Variants in CACNA2D3 observed in about 807,000 individuals in gnomAD.
CACNA2D3 encodes the protein voltage-dependent calcium channel subunit alpha-2/delta-3.
Under a neutral mutation model 160.6 loss-of-function variants are expected in CACNA2D3, and 60 were observed. That is an observed-to-expected ratio of 0.37 (90% confidence interval 0.30 to 0.46). CACNA2D3 has a LOEUF of 0.46. CACNA2D3 is among the 20% of genes least tolerant of loss of function. CACNA2D3 has a pLI of 1.00. For synonymous variants in CACNA2D3, 558 were observed against 492.9 expected (o/e 1.13, Z -1.75); for missense variants, 1,205 against 1,365.0 (o/e 0.88, Z 1.85).
At chr3:54,829,216 T>C (rs1015927003) in intron 14 of CACNA2D3, among the ~76,000 whole-genome samples, 6 of 152,204 alleles carry the variant, frequency 3.9e-5, no homozygotes, top group African/African-American at 1.4e-4. Context: ...GATTTTCACC[T>C]GTGTTCTTCC....
chr3:54,136,279 G>A (rs879545423), intron 2 of CACNA2D3, among the ~76,000 whole-genome samples: 1 of 152,136 alleles, frequency 6.6e-6, no homozygotes. Flanking sequence ...TTAGTCAATC[G>A]TTTATTCAAC....
rs1347919259 is a variant in CACNA2D3 at position 54,993,924 on chromosome 3, TG to T, written c.2690+6172del. Among the ~76,000 whole-genome samples the T allele has an allele frequency of 2.1e-5, 3 of 141,676 alleles. No individual in the cohort carries two copies. The East Asian group carries it at 6.2e-4, about 29-fold the overall frequency. The allele number at this position is 141,676 out of a possible 152,430, so 92.9% of individuals were successfully genotyped here. On this transcript the variant is annotated intron_variant, in intron 31 of 37. Transcript: ENST00000474759. ...TGTGTGTGTGTGTGTGTGTGTGTTT[TG>T]TGTGTGTGTGTGGTTTTGCGTGGTT...
At chr3:54,548,860 C>T (rs1382103972) in intron 5 of CACNA2D3, among the ~76,000 whole-genome samples, 1 of 152,226 alleles carries the variant, frequency 6.6e-6, no homozygotes, top group African/African-American at 2.4e-5. Context: ...GGTCCATCTT[C>T]TCTTCTTCCT....
chr3:55,000,808 A>G (rs1575429627), intron 31 of CACNA2D3, among the ~76,000 whole-genome samples: 1 of 152,072 alleles, frequency 6.6e-6, no homozygotes, highest in East Asian at 1.9e-4. Context: ...GATTCTGGAC[A>G]TTGGTTATCT....
At chr3:54,570,751 CA>C (rs1294901247) in intron 8 of CACNA2D3, among the ~76,000 whole-genome samples, 1 of 152,030 alleles carries the variant, frequency 6.6e-6, no homozygotes, top group Non-Finnish European at 1.5e-5. Context: ...GTAACTTGTC[CA>C]GGTCACAAGG....
chr3:54,407,721 G>T (rs1006037165), intron 4 of CACNA2D3, among the ~76,000 whole-genome samples: 3 of 152,166 alleles, frequency 2.0e-5, no homozygotes, highest in Non-Finnish European at 4.4e-5. Context: ...TTATGCTCAT[G>T]ACCTTGACTA....
chr3:54,809,020 A>G (rs1703210930), intron 13 of CACNA2D3, among the ~76,000 whole-genome samples: 1 of 152,156 alleles, frequency 6.6e-6, no homozygotes, highest in South Asian at 2.1e-4. Context: ...TCCTCACATT[A>G]ATCTCATGAA....
intron 11 of CACNA2D3, among the ~76,000 whole-genome samples, chr3:54,661,396 C>G (rs1302084700): frequency 6.6e-6 from 1 of 152,148 alleles, no homozygotes; most frequent in Non-Finnish European, 1.5e-5. Context: ...TTTAGAATTT[C>G]AAAGAAGACT....
intron 13 of CACNA2D3, among the ~76,000 whole-genome samples, chr3:54,795,937 G>C (rs532523478): frequency 5.3e-5 from 8 of 152,320 alleles, no homozygotes; most frequent in African/African-American, 1.9e-4. Flanking sequence ...GTTTGGCAAA[G>C]TGTGCTTGAA....
chr3:54,513,044 G>C (rs905972296), intron 5 of CACNA2D3, among the ~76,000 whole-genome samples: 4 of 152,046 alleles, frequency 2.6e-5, no homozygotes, highest in Admixed American at 2.6e-4. Flanking sequence ...GGAAAAACCT[G>C]CCCCATGATT....
At chr3:54,514,104 A>G (rs536028121) in intron 5 of CACNA2D3, among the ~76,000 whole-genome samples, 8 of 152,250 alleles carry the variant, frequency 5.3e-5, no homozygotes, top group Non-Finnish European at 1.2e-4. Context: ...TTACATAAAC[A>G]CTTCCAATTT....
intron 2 of CACNA2D3, among the ~76,000 whole-genome samples, chr3:54,167,404 A>T (rs1576973657): frequency 6.6e-6 from 1 of 152,210 alleles, no homozygotes; most frequent in Non-Finnish European, 1.5e-5. Context: ...AAGACATAGC[A>T]TCTTCCAGCG....
chr3:54,858,422 A>G (rs34173987), intron 17 of CACNA2D3, among the ~76,000 whole-genome samples: 1,621 of 152,338 alleles, frequency 0.011, 11 homozygotes, highest in Middle Eastern at 0.027. Flanking sequence ...TAGGAGCTCA[A>G]GGCAGAATGA....
rs562409074 is a variant in CACNA2D3, at chr3:54,454,054, T to G, written c.382-49438T>G. On this transcript the variant is annotated intron_variant, in intron 4 of 37. Coordinates refer to ENST00000474759, the MANE Select transcript of CACNA2D3 (RefSeq NM_018398.3). ...CCTTCTAATTTGTTAGGTGGAAAGG[T>G]TGAACTAGCATGTCTCTAATATCAG... 9.2e-5 allele frequency among the ~76,000 whole-genome samples: 14 copies of G among 152,286 alleles called. No homozygotes were observed. The South Asian group carries it at 2.7e-3, about 29-fold the overall frequency.
intron 11 of CACNA2D3, among the ~76,000 whole-genome samples, chr3:54,651,023 G>A (rs1003893329): frequency 6.6e-6 from 1 of 152,158 alleles, no homozygotes; most frequent in Non-Finnish European, 1.5e-5. Flanking sequence ...TCCCTGACTA[G>A]CATTTGGTGG....
chr3:54,318,386 G>T (rs371370875), intron 2 of CACNA2D3, among the ~76,000 whole-genome samples: 2 of 152,096 alleles, frequency 1.3e-5, no homozygotes, highest in Admixed American at 1.3e-4. Flanking sequence ...TTCAGGGAGC[G>T]GGGGGAAACA....
chr3:54,734,950 A>T (rs1039057959), intron 11 of CACNA2D3, among the ~76,000 whole-genome samples: 1 of 152,208 alleles, frequency 6.6e-6, no homozygotes, highest in Non-Finnish European at 1.5e-5. Flanking sequence ...GAAGCAGGAG[A>T]CTGGCCTCAG....
intron 20 of CACNA2D3, among the ~76,000 whole-genome samples, chr3:54,879,906 A>C (rs1292368222): frequency 1.3e-5 from 2 of 152,178 alleles, no homozygotes; most frequent in Non-Finnish European, 2.9e-5. Context: ...GTCCTGAAAA[A>C]TGGCTTTGCC....
At chr3:54,736,096 TA>T (rs1701515435) in intron 11 of CACNA2D3, among the ~76,000 whole-genome samples, 1 of 19,650 alleles carries the variant, frequency 5.1e-5, no homozygotes, top group Admixed American at 5.4e-4. Context: ...TGTGTATATA[TA>T]TACATATATA....
Sources: gnomAD v4.1 joint callset for allele counts (sites outside exome capture counted in the v4.1 genomes callset) on GRCh38, gnomAD v4.1.1 for gene constraint, MANE v1.5 for transcripts, NCBI Gene and HGNC (gene_info 2026-07-23, HGNC 2026-07-21) for gene names.